Variants in IFT74 observed in about 807,000 individuals in gnomAD.
The protein encoded by IFT74 is intraflagellar transport 74.
A neutral mutation model predicts 96.7 loss-of-function variants in IFT74; 92 were observed. The observed-to-expected ratio is 0.95, with a 90% CI of 0.80 to 1.13. IFT74 has a LOEUF of 1.13. IFT74 is among the 50% of genes most tolerant of loss of function. The pLI is 0.00. For synonymous variants in IFT74, 223 were observed against 213.2 expected, an observed-to-expected ratio of 1.05 and a Z score of -0.40; for missense variants, 811 against 698.2, an observed-to-expected ratio of 1.16 and a Z score of -1.82.
At chr9:27,034,677 C>T (rs558739094) in intron 13 of IFT74, among the ~76,000 whole-genome samples, 2 of 152,186 alleles carry the variant, frequency 1.3e-5, no homozygotes, top group East Asian at 1.9e-4. Context: ...TACAGGCATG[C>T]GCCACCACAC....
upstream of IFT74, among the ~76,000 whole-genome samples, chr9:26,952,635 G>A (rs1000134336): frequency 6.6e-6 from 1 of 152,178 alleles, no homozygotes; most frequent in Non-Finnish European, 1.5e-5. Flanking sequence ...TTCAAAAGAC[G>A]TAAAGGATGC....
chr9:27,001,839 A>G (rs1191690169), intron 8 of IFT74, among the ~76,000 whole-genome samples: 1 of 151,230 alleles, frequency 6.6e-6, no homozygotes, highest in Non-Finnish European at 1.5e-5. Flanking sequence ...CCATTTGTAC[A>G]TTTTTGCTTT....
chr9:27,020,978 C>T (rs546836066), intron 12 of IFT74, among the ~76,000 whole-genome samples: 119 of 152,184 alleles, frequency 7.8e-4, no homozygotes, highest in African/African-American at 2.5e-3. Context: ...TATGCCTTTA[C>T]GTCCTCATAG....
rs56154836 is a variant in IFT74 at position 27,015,241 on chromosome 9, T to A, written c.790-1666T>A. On this transcript the variant is annotated intron_variant, in intron 10 of 19. Transcript: ENST00000380062. ...TTTTTTAATCTTATCTGATGCCTAA[T>A]CTGTTACTTGAACTGTATATATAAT... Among the ~76,000 whole-genome samples the A allele has an allele frequency of 5.9e-3, 898 of 152,350 alleles. 9 individuals carry two copies. The highest frequency in any genetic ancestry group is 0.021 in the African/African-American group (855 of 41,580).
intron 8 of IFT74, chr9:26,999,835 G>A: frequency 1.9e-6 from 1 of 538,386 alleles, no homozygotes; most frequent in South Asian, 2.9e-5. Context: ...CTGGTGGCAT[G>A]GTCACAGCTC....
intron 18 of IFT74, 66 bp from the exon 19 acceptor site, chr9:27,060,524 CT>C (rs1820367241): frequency 9.8e-7 from 1 of 1,018,938 alleles, no homozygotes; most frequent in Non-Finnish European, 1.4e-6. Context: ...TTGTCTTATC[CT>C]CTTAGAAAGG....
chr9:27,012,274 G>C (rs1829119817), intron 10 of IFT74, among the ~76,000 whole-genome samples: 2 of 152,166 alleles, frequency 1.3e-5, no homozygotes, highest in Admixed American at 1.3e-4. Flanking sequence ...TCAGGCTAGA[G>C]TGCGGTGACA....
At chr9:27,019,457 A>G (rs749427358) in intron 12 of IFT74, among the ~76,000 whole-genome samples, 10 of 151,932 alleles carry the variant, frequency 6.6e-5, no homozygotes, top group African/African-American at 1.2e-4. Flanking sequence ...TCAGCTGACT[A>G]TTGGTATTTG....
intron 12 of IFT74, among the ~76,000 whole-genome samples, chr9:27,028,301 C>A (rs1829967519): frequency 6.6e-6 from 1 of 152,114 alleles, no homozygotes; most frequent in African/African-American, 2.4e-5. Flanking sequence ...ACTAATTTTC[C>A]AACTTAATTT....
rs1419640541 is a variant in IFT74 at position 27,050,628 on chromosome 9, T to G, written c.1333+2354T>G. 3.3e-5 allele frequency among the ~76,000 whole-genome samples: 5 copies of G among 151,684 alleles called. No individual in the cohort carries two copies. In the Admixed American group the frequency reaches 3.3e-4, roughly 10 times the overall value. On this transcript the variant is annotated intron_variant, in intron 16 of 19. Transcript: ENST00000380062. ...AGTGAGATAGTGAGAAATGAAGACC[T>G]AATTAATATTTGCTAACTTAAGAAT...
At chr9:27,006,684 G>C (rs370292906) in intron 8 of IFT74, among the ~76,000 whole-genome samples, 3 of 149,634 alleles carry the variant, frequency 2.0e-5, no homozygotes, top group African/African-American at 7.4e-5. Context: ...GGAGGAGGAA[G>C]GGAAGGAGGC....
At chr9:26,971,975 A>G (rs986406252) in intron 2 of IFT74, among the ~76,000 whole-genome samples, 2 of 152,162 alleles carry the variant, frequency 1.3e-5, no homozygotes, top group Non-Finnish European at 2.9e-5. Context: ...GAGTTTTTCC[A>G]TCAGTTACTG....
intron 13 of IFT74, among the ~76,000 whole-genome samples, chr9:27,040,836 T>C (rs1413840588): frequency 6.6e-6 from 1 of 152,110 alleles, no homozygotes; most frequent in Non-Finnish European, 1.5e-5. Flanking sequence ...CAGACCTTCT[T>C]AGGGGCAGAA....
chr9:27,049,648 T>A (rs1351777003), intron 16 of IFT74, among the ~76,000 whole-genome samples: 2 of 152,274 alleles, frequency 1.3e-5, no homozygotes, highest in East Asian at 3.9e-4. Context: ...CTAATCTGTT[T>A]CCTCAAGAAA....
At chr9:27,036,808 GT>G in intron 13 of IFT74, 1 of 1,079,362 alleles carries the variant, frequency 9.3e-7, no homozygotes, top group Middle Eastern at 4.0e-4. Flanking sequence ...AAAGTGGCGT[GT>G]GATTTACCAA....
At chr9:27,059,548 G>C (rs1820320866) in intron 18 of IFT74, among the ~76,000 whole-genome samples, 1 of 152,194 alleles carries the variant, frequency 6.6e-6, no homozygotes, top group Admixed American at 6.5e-5. Flanking sequence ...TGACTTTGCT[G>C]AAGGTTATTA....
chr9:26,985,673 G>A (rs1055963943), intron 6 of IFT74, among the ~76,000 whole-genome samples: 5 of 151,886 alleles, frequency 3.3e-5, no homozygotes, highest in African/African-American at 9.7e-5. Flanking sequence ...TGTAAAATAC[G>A]TTTACTGACA....
chr9:27,031,772 A>AAAATAAAAT (rs1208306472), intron 13 of IFT74, among the ~76,000 whole-genome samples: 1 of 145,654 alleles, frequency 6.9e-6, no homozygotes, highest in Non-Finnish European at 1.5e-5. Context: ...AAAATAAAAT[A>AAAATAAAAT]AAATAAAATA....
At chr9:26,964,366 G>A (rs1202026145) in intron 2 of IFT74, among the ~76,000 whole-genome samples, 1 of 149,766 alleles carries the variant, frequency 6.7e-6, no homozygotes, top group Non-Finnish European at 1.5e-5. Flanking sequence ...GGTTACTGTA[G>A]CCTTGTAGTA....
Sources: allele counts gnomAD v4.1 joint callset (sites outside exome capture counted in the v4.1 genomes callset), GRCh38; gene constraint gnomAD v4.1.1; transcripts MANE v1.5; gene names NCBI Gene and HGNC (gene_info 2026-07-23, HGNC 2026-07-21).